The following RGS8 variants were observed in gnomAD, a reference collection of about 807,000 sequenced individuals.
The protein encoded by RGS8 is regulator of G protein signaling 8.
Under a neutral mutation model 21.7 loss-of-function variants are expected in RGS8, and 8 were observed. The observed-to-expected ratio is 0.37, with a 90% CI of 0.22 to 0.66. The LOEUF (loss-of-function observed/expected upper bound fraction) is 0.66. RGS8 is among the 30% of genes least tolerant of loss of function. The probability of loss-of-function intolerance (pLI) is 0.59; values close to 1 mark genes in which losing one functional copy is unlikely to be tolerated. For synonymous variants in RGS8, 80 were observed against 83.6 expected, an observed-to-expected ratio of 0.96 and a Z score of 0.24; for missense variants, 157 against 217.9, an observed-to-expected ratio of 0.72 and a Z score of 1.76.
upstream of RGS8, among the ~76,000 whole-genome samples, chr1:182,686,933 A>G (rs895587554): frequency 2.0e-5 from 3 of 152,188 alleles, no homozygotes; most frequent in Non-Finnish European, 2.9e-5. Flanking sequence ...GACCAGAGGA[A>G]TGAAGTGTCA....
downstream of RGS8, chr1:182,645,431 G>A (rs2102402378): frequency 6.6e-6 from 1 of 152,282 alleles, no homozygotes; most frequent in East Asian, 1.9e-4. Context: ...GCTTTTTCCT[G>A]GGTGGCTAGA....
the RGS8 span, among the ~76,000 whole-genome samples, chr1:182,695,197 T>C: frequency 2.0e-5 from 3 of 152,210 alleles, no homozygotes; most frequent in Admixed American, 6.5e-5. Flanking sequence ...TTAGCATTCA[T>C]AACTTCTGCT....
At chr1:182,699,021 T>G in the RGS8 span, among the ~76,000 whole-genome samples, 8 of 152,180 alleles carry the variant, frequency 5.3e-5, no homozygotes, top group Non-Finnish European at 8.8e-5. Flanking sequence ...AGCTATTTAT[T>G]TGGAAGAAAT....
chr1:182,656,834 G>A (rs552023519), intron 5 of RGS8, among the ~76,000 whole-genome samples: 21 of 152,304 alleles, frequency 1.4e-4, no homozygotes, highest in African/African-American at 4.6e-4. Context: ...AACAGACACA[G>A]ATCACAAAGG....
At chr1:182,669,717 C>T (rs371710746) in exon 3 of RGS8, 50 of 1,611,078 alleles carry the variant, frequency 3.1e-5, no homozygotes, top group East Asian at 6.7e-5. Flanking sequence ...AATAAGACTG[C>T]GGGGCTCAGG....
At chr1:182,671,072 G>A (rs1290587285) in intron 2 of RGS8, among the ~76,000 whole-genome samples, 1 of 152,186 alleles carries the variant, frequency 6.6e-6, no homozygotes, top group Non-Finnish European at 1.5e-5. Context: ...ATTTGGGGCA[G>A]GGGATCACCC....
chr1:182,743,334 T>A, the RGS8 span, among the ~76,000 whole-genome samples: 53,748 of 151,954 alleles, frequency 0.35, 10,063 homozygotes, highest in Non-Finnish European at 0.41. Context: ...CTGAAGTGGG[T>A]CATTGACTCA....
chr1:182,667,363 TG>T (rs1237570902), intron 3 of RGS8, among the ~76,000 whole-genome samples: 13 of 152,218 alleles, frequency 8.5e-5, no homozygotes, highest in South Asian at 2.1e-4. Flanking sequence ...AGCTCCTGAT[TG>T]CAAAGACCCA....
At chr1:182,661,463 G>A (rs1418226739) in intron 5 of RGS8, among the ~76,000 whole-genome samples, 4 of 151,898 alleles carry the variant, frequency 2.6e-5, no homozygotes, top group Non-Finnish European at 5.9e-5. Flanking sequence ...CTTAAAACTG[G>A]AATAAATCTA....
At chr1:182,650,026 C>G (rs1662927361) in intron 5 of RGS8, among the ~76,000 whole-genome samples, 1 of 152,014 alleles carries the variant, frequency 6.6e-6, no homozygotes, top group African/African-American at 2.4e-5. Flanking sequence ...ATTCTCCTGC[C>G]TCAGCCTCCC....
At chr1:182,651,919 A>G (rs1050025795) in intron 5 of RGS8, among the ~76,000 whole-genome samples, 1 of 151,952 alleles carries the variant, frequency 6.6e-6, no homozygotes, top group East Asian at 1.9e-4. Flanking sequence ...CAAGGGGGGG[A>G]CTCTGAGCAG....
intron 5 of RGS8, among the ~76,000 whole-genome samples, chr1:182,653,957 T>C (rs1032781054): frequency 3.3e-5 from 5 of 152,108 alleles, no homozygotes; most frequent in African/African-American, 1.2e-4. Context: ...CTAGGAAAGG[T>C]AGGGTGTTGT....
the RGS8 span, among the ~76,000 whole-genome samples, chr1:182,743,789 A>T: frequency 6.6e-6 from 1 of 152,372 alleles, no homozygotes; most frequent in African/African-American, 2.4e-5. Flanking sequence ...ACATGTGTAT[A>T]CACACACAAT....
chr1:182,687,592 T>C (rs1267930151), upstream of RGS8, among the ~76,000 whole-genome samples: 2 of 152,038 alleles, frequency 1.3e-5, no homozygotes, highest in Non-Finnish European at 2.9e-5. Flanking sequence ...CTGAGAGGGA[T>C]AAAAGGGGAA....
the RGS8 span, among the ~76,000 whole-genome samples, chr1:182,704,817 A>T: frequency 1.3e-5 from 2 of 152,072 alleles, no homozygotes; most frequent in Admixed American, 1.3e-4. Context: ...TTCGCACAAG[A>T]CACCTCCAGC....
the RGS8 span, among the ~76,000 whole-genome samples, chr1:182,748,535 T>G: frequency 7.4e-4 from 112 of 152,368 alleles, 1 homozygote; most frequent in African/African-American, 2.6e-3. Flanking sequence ...ATTCCATGTC[T>G]TGGCTATTGT....
At chr1:182,741,469 C>A in the RGS8 span, among the ~76,000 whole-genome samples, 1 of 141,710 alleles carries the variant, frequency 7.1e-6, no homozygotes, top group Non-Finnish European at 1.6e-5. Context: ...CCCCTCACTT[C>A]CGGGACCGGG....
the RGS8 span, among the ~76,000 whole-genome samples, chr1:182,704,890 C>T: frequency 6.6e-6 from 1 of 152,210 alleles, no homozygotes; most frequent in Non-Finnish European, 1.5e-5. Flanking sequence ...TCACACCACA[C>T]GTGCCCATCT....
chr1:182,684,472 T>G lies in RGS8; in HGVS notation n.105A>C, dbSNP rs983520037. 1 of 152,198 alleles carries G rather than the reference T, an allele frequency of 6.6e-6. No individual in the cohort carries two copies. The highest frequency in any genetic ancestry group is 2.4e-5 in the African/African-American group (1 of 41,352). 9.4% of individuals were successfully genotyped at this position (152,198 alleles called of 1,614,324 possible). Reference sequence around the variant, plus strand: ...CCTCCTCCTGGCACCTGGGAGAGGGTGGCAGAGGGCAGCCCACTTCACCCA... The same window carrying G: ...CCTCCTCCTGGCACCTGGGAGAGGGGGGCAGAGGGCAGCCCACTTCACCCA... On this transcript the variant is annotated non_coding_transcript_exon_variant, in exon 1 of 5. Transcript: ENST00000515211. This position sits in a 1 kb window ranked among gnomAD's most constrained non-coding sequence, Gnocchi z 4.2.
Sources: gnomAD v4.1 joint callset for allele counts (sites outside exome capture counted in the v4.1 genomes callset) on GRCh38, gnomAD v4.1.1 for gene constraint, Gnocchi (gnomAD v3.1) non-coding constraint, MANE v1.5 for transcripts, NCBI Gene and HGNC (gene_info 2026-07-23, HGNC 2026-07-21) for gene names.